ARHGAP10: variants seen among roughly 807,000 people sequenced by gnomAD.
ARHGAP10 encodes rho GTPase-activating protein 10.
In ARHGAP10, 87 loss-of-function variants were observed where a neutral mutation model predicts 108.6. That is an observed-to-expected ratio of 0.80 (90% CI 0.67 to 0.96). The LOEUF is 0.96. Ranked by LOEUF, ARHGAP10 falls within the 40% of genes least tolerant of loss-of-function variation. The pLI is 0.00. For missense variants in ARHGAP10, 939 were observed against 954.5 expected (o/e 0.98, Z 0.21); for synonymous variants, 347 against 341.1 (o/e 1.02, Z -0.19).
At chr4:147,785,822 T>C (rs1421039886) in intron 1 of ARHGAP10, among the ~76,000 whole-genome samples, 1 of 152,188 alleles carries the variant, frequency 6.6e-6, no homozygotes, top group Non-Finnish European at 1.5e-5. Context: ...TTCTAAATAA[T>C]TATAAAGGCA....
intron 5 of ARHGAP10, chr4:147,864,563 A>T (rs1016931033): frequency 3.4e-6 from 1 of 290,178 alleles, no homozygotes; most frequent in Non-Finnish European, 6.4e-6. Context: ...CAACAAACAG[A>T]GTAGGAGTCA....
chr4:147,890,010 G>A (rs953998348), intron 10 of ARHGAP10, among the ~76,000 whole-genome samples: 1 of 152,324 alleles, frequency 6.6e-6, no homozygotes, highest in Admixed American at 6.5e-5. Flanking sequence ...CCTGAGGCAC[G>A]AGACAGCATA....
chr4:147,732,808 C>T (rs1233518316), intron 1 of ARHGAP10, among the ~76,000 whole-genome samples: 1 of 152,184 alleles, frequency 6.6e-6, no homozygotes, highest in Non-Finnish European at 1.5e-5. Context: ...TTCATTGCTG[C>T]CTAAAGCTAC....
intron 3 of ARHGAP10, among the ~76,000 whole-genome samples, chr4:147,828,145 C>T (rs987801763): frequency 6.6e-6 from 1 of 152,056 alleles, no homozygotes; most frequent in African/African-American, 2.4e-5. Flanking sequence ...TTTCTGAAAT[C>T]CTAAATTGAA....
chr4:147,760,130 C>T (rs1219078884), intron 1 of ARHGAP10, among the ~76,000 whole-genome samples: 1 of 152,178 alleles, frequency 6.6e-6, no homozygotes. Flanking sequence ...CATGGTCTTG[C>T]ATCTGTAACC....
chr4:147,944,087 A>T (rs1467677391), intron 14 of ARHGAP10, among the ~76,000 whole-genome samples: 2 of 152,226 alleles, frequency 1.3e-5, no homozygotes, highest in African/African-American at 4.8e-5. Flanking sequence ...TGAAAATGTT[A>T]TCTGACTTGT....
chr4:148,072,446 C>T lies in ARHGAP10; in HGVS notation c.*365C>T. 4.2e-6 allele frequency: 1 copy of T among 236,880 alleles called. No individual in the cohort carries two copies. Among genetic ancestry groups the T allele is most frequent in the Non-Finnish European group, 8.1e-6 (1 of 123,496 alleles). 14.7% of individuals were successfully genotyped at this position (236,880 alleles called of 1,614,324 possible). On this transcript the variant is annotated 3_prime_UTR_variant, in exon 23 of 23. Transcript: ENST00000336498. ...ACCAGAGCCACCCTGGCTCCCTCTCCTCCCTGAGCACCTGCTGCTGCGATT... is the reference window on the plus strand; with the variant it reads ...ACCAGAGCCACCCTGGCTCCCTCTCTTCCCTGAGCACCTGCTGCTGCGATT...
chr4:147,808,473 A>G (rs1330748773), intron 1 of ARHGAP10, among the ~76,000 whole-genome samples: 1 of 152,154 alleles, frequency 6.6e-6, no homozygotes, highest in Non-Finnish European at 1.5e-5. Flanking sequence ...TCCTGAATAC[A>G]ACAGAATGAT....
At chr4:147,745,790 C>CTTTT (rs70958581) in intron 1 of ARHGAP10, among the ~76,000 whole-genome samples, 2 of 132,968 alleles carry the variant, frequency 1.5e-5, no homozygotes, top group African/African-American at 2.8e-5. Flanking sequence ...TGTGCCCGGC[C>CTTTT]TTTTTTTTTT....
chr4:148,023,417 A>G lies in ARHGAP10; in HGVS notation c.1867+4A>G, dbSNP rs1171893130. The G allele has an allele frequency of 3.7e-6, 6 of 1,612,002 alleles. No individual in the cohort carries two copies. Among genetic ancestry groups the G allele is most frequent in the East Asian group, 2.2e-5 (1 of 44,838 alleles). ...CTTTGTCTGGAGCTGGAAGATGGTA[A>G]GATGTTAATGATATTTTTTGCTTGA... On this transcript the variant is annotated splice_donor_region_variant and intron_variant, in intron 19 of 22. Transcript: ENST00000336498.
chr4:148,039,610 C>G (rs1460276726), intron 19 of ARHGAP10, among the ~76,000 whole-genome samples: 1 of 151,782 alleles, frequency 6.6e-6, no homozygotes, highest in Non-Finnish European at 1.5e-5. Context: ...TAGGATACTA[C>G]TTCAATTTCC....
intron 10 of ARHGAP10, among the ~76,000 whole-genome samples, chr4:147,885,976 TC>T (rs1391453054): frequency 6.6e-6 from 1 of 152,220 alleles, no homozygotes; most frequent in Non-Finnish European, 1.5e-5. Flanking sequence ...AGTGGAGAAT[TC>T]CATACCTGAC....
At chr4:147,899,939 T>A (rs2126898620) in intron 10 of ARHGAP10, among the ~76,000 whole-genome samples, 1 of 152,096 alleles carries the variant, frequency 6.6e-6, no homozygotes, top group Non-Finnish European at 1.5e-5. Flanking sequence ...TCCTGATTGT[T>A]ACCATTATAA....
At chr4:147,939,428 T>A (rs564767354) in intron 13 of ARHGAP10, among the ~76,000 whole-genome samples, 1 of 152,380 alleles carries the variant, frequency 6.6e-6, no homozygotes, top group East Asian at 1.9e-4. Context: ...CAATGATTTC[T>A]ATGTACTAAT....
At chr4:147,740,632 T>C (rs1728618825) in intron 1 of ARHGAP10, among the ~76,000 whole-genome samples, 1 of 152,202 alleles carries the variant, frequency 6.6e-6, no homozygotes, top group Non-Finnish European at 1.5e-5. Flanking sequence ...AAGGTCGGGT[T>C]GATTTAGTAT....
intron 1 of ARHGAP10, among the ~76,000 whole-genome samples, chr4:147,737,891 T>C (rs775746122): frequency 7.2e-5 from 11 of 152,210 alleles, no homozygotes; most frequent in African/African-American, 2.7e-4. Context: ...CCATGGTTAT[T>C]TAGAACAGAT....
intron 1 of ARHGAP10, among the ~76,000 whole-genome samples, chr4:147,821,767 C>T (rs1163387845): frequency 2.6e-5 from 4 of 152,158 alleles, no homozygotes; most frequent in African/African-American, 9.7e-5. Context: ...GAAGGAGACA[C>T]ACAGGAAGAC....
At chr4:148,064,333 T>C in intron 21 of ARHGAP10, 83 bp from the exon 22 acceptor site, 1 of 1,176,302 alleles carries the variant, frequency 8.5e-7, no homozygotes, top group East Asian at 2.4e-5. Context: ...TCAGTGAGAT[T>C]TGGGGAAGGG....
intron 10 of ARHGAP10, among the ~76,000 whole-genome samples, chr4:147,902,087 T>G (rs1354906271): frequency 6.6e-6 from 1 of 152,240 alleles, no homozygotes; most frequent in African/African-American, 2.4e-5. Flanking sequence ...GTCTTCTATT[T>G]GTTATTCTTG....
Sources: allele counts gnomAD v4.1 joint callset (sites outside exome capture counted in the v4.1 genomes callset), GRCh38; gene constraint gnomAD v4.1.1; transcripts MANE v1.5; gene names NCBI Gene and HGNC (gene_info 2026-07-23, HGNC 2026-07-21).